MS4A13: variants seen among roughly 807,000 people sequenced by gnomAD.
MS4A13 encodes membrane-spanning 4-domains subfamily A member 13.
A neutral mutation model predicts 18.4 loss-of-function variants in MS4A13; 21 were observed. That is an observed-to-expected ratio of 1.14 (90% CI 0.81 to 1.64). MS4A13 has a LOEUF of 1.64. MS4A13 is among the 40% of genes most tolerant of loss of function. The pLI is 0.00. For missense variants in MS4A13, 173 were observed against 176.8 expected (o/e 0.98, Z 0.12); for synonymous variants, 62 against 57.2 (o/e 1.08, Z -0.38).
chr11:60,527,816 A>T (rs2135258751), intron 5 of MS4A13, among the ~76,000 whole-genome samples: 1 of 152,292 alleles, frequency 6.6e-6, no homozygotes, highest in South Asian at 2.1e-4. Flanking sequence ...AGCCTGGGTG[A>T]TAGAGCGAGA....
intron 6 of MS4A13, among the ~76,000 whole-genome samples, chr11:60,539,764 T>C (rs1002006565): frequency 1.3e-5 from 2 of 152,046 alleles, no homozygotes; most frequent in East Asian, 1.9e-4. Context: ...AACAGCTGGG[T>C]TCTCATCCAA....
At position 60,542,653 on chromosome 11, in the gene MS4A13, G is replaced by A; in HGVS notation, c.*78G>A. 1 of 811,418 alleles carries A rather than the reference G, an allele frequency of 1.2e-6. No individual in the cohort carries two copies. The highest frequency in any genetic ancestry group is 1.9e-6 in the Non-Finnish European group (1 of 523,454). 50.3% of individuals were successfully genotyped at this position (811,418 alleles called of 1,614,324 possible). A position where few individuals can be genotyped will look rare whatever the true frequency, so the allele number is the denominator to read the frequency against. ...AATGATATCTCTGTATAACAAAGCA[G>A]TTACGAAGCCTACAGATTTTGTGCA... On this transcript the variant is annotated 3_prime_UTR_variant, in exon 7 of 7. Transcript: ENST00000378186.
chr11:60,531,394 G>C (rs1176076597), intron 6 of MS4A13, among the ~76,000 whole-genome samples: 1 of 152,200 alleles, frequency 6.6e-6, no homozygotes, highest in Non-Finnish European at 1.5e-5. Context: ...TAGTCTGGAA[G>C]AATATAAATA....
intron 2 of MS4A13, among the ~76,000 whole-genome samples, chr11:60,517,043 C>T (rs2086642064): frequency 6.6e-6 from 1 of 151,214 alleles, no homozygotes; most frequent in Non-Finnish European, 1.5e-5. Flanking sequence ...AGGGATTTTG[C>T]AGTCTAGTGG....
At position 60,523,892 on chromosome 11, in the gene MS4A13, T is replaced by C; in HGVS notation, c.130-5T>C. 1 of 1,450,880 alleles carries C rather than the reference T, an allele frequency of 6.9e-7. No individual in the cohort carries two copies. Among genetic ancestry groups the C allele is most frequent in the Non-Finnish European group, 9.7e-7 (1 of 1,034,174 alleles). The allele number at this position is 1,450,880 out of a possible 1,614,324, so 89.9% of individuals were successfully genotyped here. The stretch of plus-strand genomic sequence containing the variant: ...GAGTATTTATAAATATGTTTTTATA[T>C]CCAGTTTATCATTGCAGGAGTCTTC... On this transcript the variant is annotated splice_polypyrimidine_tract_variant and splice_region_variant and intron_variant, in intron 3 of 6. Transcript: ENST00000378186.
intron 3 of MS4A13, among the ~76,000 whole-genome samples, chr11:60,523,019 A>C (rs1348669803): frequency 2.6e-5 from 4 of 152,258 alleles, no homozygotes; most frequent in Non-Finnish European, 5.9e-5. Flanking sequence ...AGATAATCTC[A>C]TTAGAGAGCA....
chr11:60,523,144 A>G (rs73485071), intron 3 of MS4A13, among the ~76,000 whole-genome samples: 4,767 of 152,284 alleles, frequency 0.031, 112 homozygotes, highest in Middle Eastern at 0.071. Flanking sequence ...TGCTGAACAA[A>G]TAGATTTAAA....
At chr11:60,522,591 T>C (rs1358638458) in intron 3 of MS4A13, among the ~76,000 whole-genome samples, 1 of 152,120 alleles carries the variant, frequency 6.6e-6, no homozygotes, top group Non-Finnish European at 1.5e-5. Flanking sequence ...CAATGATCTC[T>C]AGGAGGTCTC....
intron 6 of MS4A13, among the ~76,000 whole-genome samples, chr11:60,538,919 G>A (rs1052735123): frequency 1.5e-5 from 2 of 130,512 alleles, no homozygotes; most frequent in Non-Finnish European, 3.2e-5. Flanking sequence ...CCACATGCAA[G>A]GACCAGAAAG....
chr11:60,524,906 C>T (rs1034763057), intron 4 of MS4A13, among the ~76,000 whole-genome samples: 4 of 152,038 alleles, frequency 2.6e-5, no homozygotes, highest in East Asian at 1.9e-4. Flanking sequence ...GTGATCCACC[C>T]GTCTCGGCCT....
At chr11:60,522,235 G>GTATATATATATATATCT (rs1555023672) in intron 3 of MS4A13, among the ~76,000 whole-genome samples, 4 of 112,188 alleles carry the variant, frequency 3.6e-5, no homozygotes, top group African/African-American at 1.2e-4. Flanking sequence ...TAGATAGATA[G>GTATATATATATATATCT]ATAGATGTAT....
intron 3 of MS4A13, among the ~76,000 whole-genome samples, chr11:60,520,566 G>T (rs867487861): frequency 6.6e-6 from 1 of 152,206 alleles, no homozygotes; most frequent in Admixed American, 6.5e-5. Flanking sequence ...AAATCTTAAA[G>T]CTCAAAAATG....
At chr11:60,524,556 C>T (rs2086699583) in intron 4 of MS4A13, among the ~76,000 whole-genome samples, 1 of 152,084 alleles carries the variant, frequency 6.6e-6, no homozygotes, top group Non-Finnish European at 1.5e-5. Context: ...TTTCTACAAG[C>T]AGTCATTTTC....
At chr11:60,532,583 C>T (rs1239503555) in intron 6 of MS4A13, among the ~76,000 whole-genome samples, 3 of 152,080 alleles carry the variant, frequency 2.0e-5, no homozygotes, top group African/African-American at 2.4e-5. Flanking sequence ...GAGGTGGCAG[C>T]GAGGTTGGGG....
chr11:60,517,204 T>C (rs2086643464), intron 2 of MS4A13, among the ~76,000 whole-genome samples: 1 of 152,006 alleles, frequency 6.6e-6, no homozygotes, highest in Admixed American at 6.6e-5. Context: ...ACAAAACTTC[T>C]CCAAAATGTA....
chr11:60,517,004 CA>C (rs2086641781), intron 2 of MS4A13, among the ~76,000 whole-genome samples: 1 of 145,764 alleles, frequency 6.9e-6, no homozygotes, highest in Admixed American at 6.8e-5. Context: ...GGTGATAAAA[CA>C]ATAAAAAAAA....
At chr11:60,527,851 A>T (rs189773655) in intron 5 of MS4A13, among the ~76,000 whole-genome samples, 150 of 152,234 alleles carry the variant, frequency 9.9e-4, no homozygotes, top group African/African-American at 3.5e-3. Context: ...AAATTAAATT[A>T]AAAAATTAAA....
At chr11:60,540,046 T>G (rs2086844163) in intron 6 of MS4A13, among the ~76,000 whole-genome samples, 1 of 152,176 alleles carries the variant, frequency 6.6e-6, no homozygotes, top group Admixed American at 6.5e-5. Flanking sequence ...GTTATGAAAA[T>G]CAGTATAAAT....
intron 6 of MS4A13, among the ~76,000 whole-genome samples, chr11:60,532,015 C>A (rs959854927): frequency 3.3e-5 from 5 of 152,148 alleles, no homozygotes; most frequent in East Asian, 1.9e-4. Context: ...TCTAAAATGT[C>A]CAGTTTTCAA....
Sources: allele counts gnomAD v4.1 joint callset (sites outside exome capture counted in the v4.1 genomes callset), GRCh38; gene constraint gnomAD v4.1.1; transcripts MANE v1.5; gene names NCBI Gene and HGNC (gene_info 2026-07-23, HGNC 2026-07-21).